ROPN1: variants seen among roughly 807,000 people sequenced by gnomAD.
The protein encoded by ROPN1 is ropporin-1A.
Under a neutral mutation model 20.5 loss-of-function variants are expected in ROPN1, and 14 were observed. The observed-to-expected ratio is 0.68, with a 90% CI of 0.45 to 1.07. ROPN1 has a LOEUF of 1.07. Ranked by LOEUF, ROPN1 falls within the 50% of genes least tolerant of loss-of-function variation. ROPN1 has a pLI of 0.00. For missense variants in ROPN1, 169 were observed against 242.8 expected, an observed-to-expected ratio of 0.70 and a Z score of 2.02; for synonymous variants, 76 against 95.7, an observed-to-expected ratio of 0.79 and a Z score of 1.20.
At chr3:123,991,145 G>A (rs1257482276) in intron 1 of ROPN1, 1 of 150,360 alleles carries the variant, frequency 6.7e-6, no homozygotes, top group African/African-American at 2.5e-5. Context: ...TACCCTGTCA[G>A]TTCCATTGTA....
intron 1 of ROPN1, among the ~76,000 whole-genome samples, chr3:123,990,028 G>T (rs530999322): frequency 6.6e-6 from 1 of 152,204 alleles, no homozygotes; most frequent in African/African-American, 2.4e-5. Flanking sequence ...TAAATTATAT[G>T]CTCAAAAAAT....
chr3:123,972,476 A>C (rs2037935529), intron 4 of ROPN1, among the ~76,000 whole-genome samples: 1 of 152,250 alleles, frequency 6.6e-6, no homozygotes. Context: ...CATTCCTTCC[A>C]GTGAACATGA....
At chr3:123,981,393 A>G (rs761632217) in intron 1 of ROPN1, 1 of 153,544 alleles carries the variant, frequency 6.5e-6, no homozygotes, top group Non-Finnish European at 1.5e-5. Flanking sequence ...GCACATGTAG[A>G]TGGCAGGAAC....
chr3:123,985,891 A>G (rs1449605960), intron 1 of ROPN1, among the ~76,000 whole-genome samples: 1 of 150,154 alleles, frequency 6.7e-6, no homozygotes, highest in Non-Finnish European at 1.5e-5. Flanking sequence ...ACATGCCTAT[A>G]GTCCCAGCTA....
intron 2 of ROPN1, chr3:123,978,660 T>C (rs960781430): frequency 2.0e-5 from 3 of 153,684 alleles, no homozygotes; most frequent in African/African-American, 4.8e-5. Flanking sequence ...TTACTTGCAA[T>C]GGATTAAAAA....
At position 123,984,831 on chromosome 3, in the gene ROPN1, T is replaced by C. The variant is rs568894102; in HGVS notation, c.-12-4338A>G. On this transcript the variant is annotated intron_variant, in intron 1 of 5. Coordinates refer to ENST00000405845, the MANE Select transcript of ROPN1 (RefSeq NM_001317774.2). ...TCTATCCTTCTTTTCTCTCTTCCCC[T>C]CAGTATTTTGCTAATTCTAGCCGGC... Among the ~76,000 whole-genome samples, 12 of 152,286 alleles carry C rather than the reference T, an allele frequency of 7.9e-5. No individual in the cohort carries two copies. The South Asian group carries it at 1.7e-3, about 21-fold the overall frequency.
At chr3:123,981,739 T>C (rs2038153889) in intron 1 of ROPN1, among the ~76,000 whole-genome samples, 2 of 152,322 alleles carry the variant, frequency 1.3e-5, no homozygotes, top group South Asian at 2.1e-4. Context: ...CTTAGGTTGG[T>C]GGGACTTCAT....
intron 1 of ROPN1, among the ~76,000 whole-genome samples, chr3:123,987,844 A>G (rs1426150375): frequency 6.6e-6 from 1 of 152,238 alleles, no homozygotes; most frequent in Non-Finnish European, 1.5e-5. Flanking sequence ...CATGAGTTCT[A>G]CATGTTTATT....
chr3:123,974,690 G>T (rs1367600112), intron 4 of ROPN1: 1 of 152,456 alleles, frequency 6.6e-6, no homozygotes, highest in Non-Finnish European at 1.5e-5. Context: ...ACACGTTTTT[G>T]ATTCATTTTA....
chr3:123,978,415 CCAA>C (rs2038068901), intron 2 of ROPN1, among the ~76,000 whole-genome samples: 1 of 152,164 alleles, frequency 6.6e-6, no homozygotes. Context: ...ACACTCATCA[CCAA>C]CATCTCTGGA....
At chr3:123,982,166 G>C (rs1349911210) in intron 1 of ROPN1, among the ~76,000 whole-genome samples, 8 of 152,142 alleles carry the variant, frequency 5.3e-5, no homozygotes, top group African/African-American at 1.9e-4. Context: ...ACTCATGCCA[G>C]ACAAAAGATA....
intron 1 of ROPN1, among the ~76,000 whole-genome samples, chr3:123,983,332 A>G (rs1015309806): frequency 4.6e-5 from 7 of 151,280 alleles, no homozygotes; most frequent in African/African-American, 1.7e-4. Flanking sequence ...TAATTTTTTG[A>G]GGAACTGCCA....
At chr3:123,976,316 G>C (rs1351341334) in intron 3 of ROPN1, among the ~76,000 whole-genome samples, 1 of 152,144 alleles carries the variant, frequency 6.6e-6, no homozygotes, top group African/African-American at 2.4e-5. Flanking sequence ...CATAAAGCAG[G>C]GTTTGGTGGT....
chr3:123,979,708 T>C (rs889926788), intron 2 of ROPN1: 55 of 402,802 alleles, frequency 1.4e-4, no homozygotes, highest in South Asian at 4.8e-4. Context: ...ATCACTCTGC[T>C]TGGCCTTTCC....
At chr3:123,986,058 T>C (rs1357003991) in intron 1 of ROPN1, among the ~76,000 whole-genome samples, 1 of 146,302 alleles carries the variant, frequency 6.8e-6, no homozygotes, top group African/African-American at 2.5e-5. Context: ...ATGATATTTA[T>C]ATTTTGTGAA....
chr3:123,970,476 T>C (rs2037893962), intron 4 of ROPN1, among the ~76,000 whole-genome samples: 2 of 152,216 alleles, frequency 1.3e-5, no homozygotes, highest in African/African-American at 4.8e-5. Flanking sequence ...CATTCCTAAG[T>C]ACTTTAAGAT....
At position 123,970,159 on chromosome 3, in the gene ROPN1, C is replaced by T. The variant is rs760165915; in HGVS notation, c.455G>A (p.Gly152Glu). 1.9e-6 allele frequency: 3 copies of T among 1,614,048 alleles called. No homozygotes were observed. The highest frequency in any genetic ancestry group is 1.7e-6 in the Non-Finnish European group (2 of 1,179,958). Reference protein sequence around the residue: ...CEVLSCDHNGGSPRIPFSTFQ... With the variant: ...CEVLSCDHNGESPRIPFSTFQ... Reference sequence around the variant, plus strand: ...GGTGCTGAACGGGATCCGGGGCGACCCACCATTATGGTCACATGATAAGAC... The same window carrying T: ...GGTGCTGAACGGGATCCGGGGCGACTCACCATTATGGTCACATGATAAGAC... Residue 152 changes from glycine (G) to glutamate (E), a missense_variant, in exon 5 of 6, where the codon GGG becomes GAG. Around this residue, in one of 3 missense-constraint regions of ROPN1, gnomAD observed 82 missense variants for 100.1 expected, o/e 0.82. Coordinates refer to ENST00000405845, the MANE Select transcript of ROPN1 (RefSeq NM_001317774.2).
At chr3:123,985,273 A>G (rs1211403348) in intron 1 of ROPN1, among the ~76,000 whole-genome samples, 2 of 152,202 alleles carry the variant, frequency 1.3e-5, no homozygotes, top group African/African-American at 4.8e-5. Flanking sequence ...CCTTTCAACC[A>G]TCTTGTTAAA....
chr3:123,978,846 G>A (rs1049419926), intron 2 of ROPN1: 1 of 153,222 alleles, frequency 6.5e-6, no homozygotes, highest in South Asian at 2.1e-4. Context: ...AGTTTTCATG[G>A]ATGTCTAAAA....
Sources: allele counts gnomAD v4.1 joint callset (sites outside exome capture counted in the v4.1 genomes callset), GRCh38; gene constraint gnomAD v4.1.1; regional missense constraint gnomAD v4.1.1; transcripts MANE v1.5; gene names NCBI Gene and HGNC (gene_info 2026-07-23, HGNC 2026-07-21).